Variants in KAT2A observed in about 807,000 individuals in gnomAD.
KAT2A encodes the protein histone acetyltransferase KAT2A.
KAT2A carries 42 observed loss-of-function variants against 95.2 expected under a neutral mutation model. That is an observed-to-expected ratio of 0.44 (90% CI 0.34 to 0.57). KAT2A has a LOEUF of 0.57. Among genes scored for constraint, KAT2A ranks in the 20% least tolerant of loss-of-function variants. KAT2A has a pLI of 0.01. For missense variants in KAT2A, 784 were observed against 1,126.3 expected (o/e 0.70, Z 4.35); for synonymous variants, 449 against 448.2 (o/e 1.00, Z -0.02).
In KAT2A at chr17:42,121,113, C is replaced by A; in HGVS notation, c.192G>T (p.Gly64=). The change falls in exon 1 of 18, where the codon GGG becomes GGT. Residue 64 remains glycine, a synonymous_variant. Transcript: ENST00000225916. ...CGCTCCCGGCCCCCCCACTTCCTAC[C>A]CCGGGCCCCCCAGTCCCTGTGCTGC... ...PAGSTGTGGP[G]VGSGGAGSGG... 6.6e-7 allele frequency: 1 copy of A among 1,520,010 alleles called. No homozygotes were observed. The highest frequency in any genetic ancestry group is 2.4e-5 in the East Asian group (1 of 40,946). 94.2% of individuals were successfully genotyped at this position (1,520,010 alleles called of 1,614,324 possible).
At chr17:42,120,167 A>G in intron 3 of KAT2A, 48 bp from the exon 4 acceptor site, 5 of 1,613,284 alleles carry the variant, frequency 3.1e-6, no homozygotes, top group Non-Finnish European at 4.2e-6. Context: ...GCAGAGCTGC[A>G]GACAACCCCT....
intron 11 of KAT2A, 114 bp downstream of exon 11, chr17:42,116,921 C>A: frequency 7.6e-7 from 1 of 1,321,350 alleles, no homozygotes; most frequent in Non-Finnish European, 1.1e-6. Flanking sequence ...GAACGGGCCG[C>A]TAACTAAGAG....
chr17:42,113,959 G>A (rs112812180), intron 17 of KAT2A, 41 bp downstream of exon 17: 42,806 of 1,489,048 alleles, frequency 0.029, 740 homozygotes, highest in Middle Eastern at 0.036. Flanking sequence ...CAGGTGTGGG[G>A]ACAGAAGAGG....
At chr17:42,120,561 C>G (rs945030771) in intron 2 of KAT2A, 145 bp downstream of exon 2, 2 of 1,239,784 alleles carry the variant, frequency 1.6e-6, no homozygotes, top group African/African-American at 1.5e-5. Context: ...TCCTTTCTCC[C>G]CCCTTGGTGC....
At chr17:42,116,940 C>T (rs1206015962) in intron 11 of KAT2A, 95 bp downstream of exon 11, 37 of 1,455,680 alleles carry the variant, frequency 2.5e-5, no homozygotes, top group African/African-American at 2.8e-5. Flanking sequence ...AGAAGAGCAA[C>T]GGGCTGCTGC....
Position 42,118,279 on chromosome 17 carries a change from G to T in KAT2A, c.1180+18C>A, listed in dbSNP as rs782521145. The T allele has an allele frequency of 1.3e-6, 2 of 1,558,010 alleles. No individual in the cohort carries two copies. Among genetic ancestry groups the T allele is most frequent in the Non-Finnish European group, 1.8e-6 (2 of 1,129,144 alleles). On this transcript the variant is annotated intron_variant, in intron 7 of 17. Transcript: ENST00000225916. ...CCAGGCAGGCCAGACACCCTACAGA[G>T]CGTACCATGGCACATACCTGGCCGG...
Position 42,117,495 on chromosome 17 carries a change from G to A in KAT2A, c.1530C>T (p.Pro510=). 1 of 1,613,728 alleles carries A rather than the reference G, an allele frequency of 6.2e-7. No individual in the cohort carries two copies. Residue 510 remains proline (P), a synonymous_variant, in exon 10 of 18, where the codon CCC becomes CCT. Transcript: ENST00000225916. This position sits in a 1 kb window ranked among gnomAD's most constrained non-coding sequence, Gnocchi z 8.9. ...EFHVIGNSLT[P]KANRRVLLWL... ...ACAGCAACACCCGCCGGTTGGCCTTGGGCGTCAGTGAGTTGCCGATGACAT... is the reference window on the plus strand; with the variant it reads ...ACAGCAACACCCGCCGGTTGGCCTTAGGCGTCAGTGAGTTGCCGATGACAT...
At chr17:42,116,418 T>A (rs2054259197) in intron 11 of KAT2A, among the ~76,000 whole-genome samples, 1 of 152,220 alleles carries the variant, frequency 6.6e-6, no homozygotes, top group African/African-American at 2.4e-5. Flanking sequence ...ATAGGGCTAC[T>A]GTAATAATGA....
intron 6 of KAT2A, 64 bp from the exon 7 acceptor site, chr17:42,118,467 C>A: frequency 8.6e-7 from 1 of 1,168,600 alleles, no homozygotes; most frequent in Non-Finnish European, 1.3e-6. Context: ...GGCCAGGCAG[C>A]AGAGGGACTG....
Position 42,117,245 on chromosome 17 carries a change from T to G in KAT2A, c.1638-84A>C. The G allele has an allele frequency of 6.3e-7, 1 of 1,583,610 alleles. No homozygotes were observed. Among genetic ancestry groups the G allele is most frequent in the Non-Finnish European group, 8.6e-7 (1 of 1,160,262 alleles). On this transcript the variant is annotated intron_variant, in intron 10 of 17. Transcript: ENST00000225916. This position sits in a 1 kb window ranked among gnomAD's most constrained non-coding sequence, Gnocchi z 8.9. Reference sequence around the variant, plus strand: ...CTGGAAGTCTGAGCTGTAGTCAGGGTTGGGCAGTGAGAAGTAAGAATGCTC... The same window carrying G: ...CTGGAAGTCTGAGCTGTAGTCAGGGGTGGGCAGTGAGAAGTAAGAATGCTC...
At chr17:42,116,730 T>C (rs1168728899) in intron 11 of KAT2A, among the ~76,000 whole-genome samples, 5 of 152,040 alleles carry the variant, frequency 3.3e-5, no homozygotes, top group African/African-American at 1.2e-4. Flanking sequence ...TTCAAAAAAA[T>C]AAATAAAAAA....
At position 42,113,562 on chromosome 17, in the gene KAT2A, G is replaced by T; in HGVS notation, c.*87C>A. 7.5e-7 allele frequency: 1 copy of T among 1,330,108 alleles called. No homozygotes were observed. The highest frequency in any genetic ancestry group is 1.0e-6 in the Non-Finnish European group (1 of 964,148). The allele number at this position is 1,330,108 out of a possible 1,614,324, so 82.4% of individuals were successfully genotyped here. The stretch of plus-strand genomic sequence containing the variant: ...GCTGGAGTGTCTCAAGCTGAGTCGG[G>T]TCCGTGGGGCCAGGGCACCCCCTAA... On this transcript the variant is annotated 3_prime_UTR_variant, in exon 18 of 18. Transcript: ENST00000225916.
intron 3 of KAT2A, 43 bp downstream of exon 3, chr17:42,120,182 G>A (rs782160772): frequency 4.3e-6 from 7 of 1,613,584 alleles, no homozygotes; most frequent in Non-Finnish European, 5.9e-6. Context: ...ACCCCTCAAG[G>A]CCCCACCTCC....
Position 42,114,687 on chromosome 17 carries a change from A to C in KAT2A, c.2020-83T>G, listed in dbSNP as rs1598228260. The C allele has an allele frequency of 1.5e-6, 2 of 1,323,472 alleles. No individual in the cohort carries two copies. Among genetic ancestry groups the C allele is most frequent in the Middle Eastern group, 2.0e-4 (1 of 5,114 alleles). The allele number at this position is 1,323,472 out of a possible 1,614,324, so 82.0% of individuals were successfully genotyped here. ...GGCCACAGTCGGAGCCACTGGCTGC[A>C]CCCACCCAGCTGCAACGCCACCTAA... On this transcript the variant is annotated intron_variant, in intron 13 of 17. Transcript: ENST00000225916. This position sits in a 1 kb window ranked among gnomAD's most constrained non-coding sequence, Gnocchi z 6.0.
Position 42,113,742 on chromosome 17 carries a change from G to A in KAT2A, c.2421C>T (p.Tyr807=), listed in dbSNP as rs1555665177. 8.7e-6 allele frequency: 14 copies of A among 1,610,980 alleles called. No homozygotes were observed. The highest frequency in any genetic ancestry group is 1.2e-5 in the Non-Finnish European group (14 of 1,179,070). The change falls in exon 18 of 18, where the codon TAC becomes TAT. Residue 807 remains tyrosine (Y), a synonymous_variant. Transcript: ENST00000225916. The part of the protein sequence containing the change: ...LQRVIANCRE[Y]NPPDSEYCRC... ...GGCAGTACTCGCTGTCCGGGGGGTT[G>A]TACTCGCGACAGTTGGCGATGACCC... is the stretch of plus-strand genomic sequence containing the variant.
chr17:42,120,540 G>A (rs577448017), intron 2 of KAT2A, among the ~76,000 whole-genome samples, 166 bp downstream of exon 2: 1 of 152,308 alleles, frequency 6.6e-6, no homozygotes, highest in East Asian at 1.9e-4. Context: ...CCTGTTCTGG[G>A]CTGAGAGATT....
In KAT2A at chr17:42,117,653, C is replaced by T; in HGVS notation, c.1428+25G>A. 3.7e-6 allele frequency: 6 copies of T among 1,606,066 alleles called. No homozygotes were observed. Among genetic ancestry groups the T allele is most frequent in the Non-Finnish European group, 5.1e-6 (6 of 1,174,818 alleles). On this transcript the variant is annotated intron_variant, in intron 9 of 17. Transcript: ENST00000225916. The surrounding 1 kb of genome is among the most constrained non-coding windows in gnomAD (Gnocchi z 8.9). ...TCTCAGGTTGGTGGGGGTCCCCCAACTGGTCAGCAGGTCGGGCTGCCCACC... is the reference window on the plus strand; with the variant it reads ...TCTCAGGTTGGTGGGGGTCCCCCAATTGGTCAGCAGGTCGGGCTGCCCACC...
rs782089924 is a variant in KAT2A, at chr17:42,120,373, G to A, written c.464-3C>T. 42 of 1,614,102 alleles carry A rather than the reference G, an allele frequency of 2.6e-5. 2 individuals are homozygous for A. The South Asian group carries it at 4.3e-4, about 16-fold the overall frequency. ...CTCCAAGTGGGATACGTGGTCAGCTGCAAGACAGATGGCAGAGTTAGGAAA... is the reference window on the plus strand; with the variant it reads ...CTCCAAGTGGGATACGTGGTCAGCTACAAGACAGATGGCAGAGTTAGGAAA... On this transcript the variant is annotated splice_polypyrimidine_tract_variant and splice_region_variant and intron_variant, in intron 2 of 17. Coordinates refer to ENST00000225916, the MANE Select transcript of KAT2A (RefSeq NM_021078.3).
chr17:42,114,382 C>T lies in KAT2A; in HGVS notation c.2147G>A (p.Trp716Ter). 1.9e-6 allele frequency: 3 copies of T among 1,614,056 alleles called. No individual in the cohort carries two copies. The highest frequency in any genetic ancestry group is 2.5e-6 in the Non-Finnish European group (3 of 1,179,970). Residue 716 changes from tryptophan to a stop codon, truncating the protein, a stop_gained, in exon 15 of 18, where the codon TGG (tryptophan) becomes TAG (stop). Transcript: ENST00000225916. LOFTEE classifies it high-confidence loss of function. This position sits in a 1 kb window ranked among gnomAD's most constrained non-coding sequence, Gnocchi z 6.0. The part of the protein sequence containing the change: ...ESVPGIRETG[W>*]KPLGKEKGKE... Reference sequence around the variant, plus strand: ...CCCCTTCTCCTTCCCCAATGGCTTCCAGCCTGTCTCTCCTGCAAAGTGGGA... The same window carrying T: ...CCCCTTCTCCTTCCCCAATGGCTTCTAGCCTGTCTCTCCTGCAAAGTGGGA...
Sources: gnomAD v4.1 joint callset for allele counts (sites outside exome capture counted in the v4.1 genomes callset) on GRCh38, gnomAD v4.1.1 for gene constraint, Gnocchi (gnomAD v3.1) non-coding constraint, MANE v1.5 for transcripts, NCBI Gene and HGNC (gene_info 2026-07-23, HGNC 2026-07-21) for gene names.